The following RHPN2 variants were observed in gnomAD, a reference collection of about 807,000 sequenced individuals.
The protein encoded by RHPN2 is rhophilin-2.
A neutral mutation model predicts 79.0 loss-of-function variants in RHPN2; 40 were observed. The ratio of observed to expected loss-of-function variants is 0.51; its 90% CI spans 0.39 to 0.66. The LOEUF (loss-of-function observed/expected upper bound fraction) is 0.66, where lower values mean the gene tolerates loss of function less well. Among genes scored for constraint, RHPN2 ranks in the 30% least tolerant of loss-of-function variants. The pLI is 0.00. For synonymous variants in RHPN2, 285 were observed against 363.5 expected (o/e 0.78, Z 2.46); for missense variants, 686 against 883.5 (o/e 0.78, Z 2.83).
chr19:33,064,670 T>A, intron 1 of RHPN2, 114 bp downstream of exon 1: 80 of 735,736 alleles, frequency 1.1e-4, no homozygotes, highest in East Asian at 4.6e-4. Context: ...GTGCGCCCCC[T>A]CCCCCTCCCG....
intron 1 of RHPN2, among the ~76,000 whole-genome samples, chr19:33,044,828 A>G (rs940224954): frequency 1.1e-4 from 16 of 152,198 alleles, no homozygotes; most frequent in Non-Finnish European, 1.8e-4. Context: ...TGGGTGCTGA[A>G]GGTTGCAGTG....
In RHPN2 at chr19:32,991,896, C is replaced by T. The variant is rs775135364; in HGVS notation, c.1571G>A (p.Gly524Glu). The T allele has an allele frequency of 7.4e-6, 12 of 1,613,842 alleles. No individual in the cohort carries two copies. In the African/African-American group the frequency reaches 1.6e-4, roughly 22 times the overall value. ...PRSIRFTAEEGDLGFTLRGNA... is the reference protein window; with the variant it reads ...PRSIRFTAEEEDLGFTLRGNA... ...CCCTCTCAAGGTGAACCCCAAGTCC[C>T]CTTCTTCTGCAGTGAAGCGGATGCT... The change falls in exon 13 of 15, where the codon GGG becomes GAG. Residue 524 changes from glycine (G) to glutamate (E), a missense_variant. Gly to Glu is a moderately conservative substitution (Grantham distance 98). Coordinates refer to ENST00000254260, the MANE Select transcript of RHPN2 (RefSeq NM_033103.5).
At chr19:32,999,845 C>A (rs1958677990) in intron 9 of RHPN2, 140 bp from the exon 10 acceptor site, 3 of 1,060,476 alleles carry the variant, frequency 2.8e-6, no homozygotes, top group Non-Finnish European at 4.1e-6. Context: ...CTTTCTGCCC[C>A]CGGACACACC....
chr19:33,002,761 T>A, intron 8 of RHPN2, 52 bp downstream of exon 8: 1 of 1,598,676 alleles, frequency 6.3e-7, no homozygotes, highest in Non-Finnish European at 8.6e-7. Flanking sequence ...AGTGCTCCTG[T>A]GCCAGCATCT....
intron 10 of RHPN2, 131 bp downstream of exon 10, chr19:32,999,455 C>G (rs1358628410): frequency 8.4e-7 from 1 of 1,184,332 alleles, no homozygotes; most frequent in Non-Finnish European, 1.2e-6. Context: ...CTTCTGAACC[C>G]AAAGTGGCCA....
In RHPN2 at chr19:32,990,512, A is replaced by T. The variant is rs1376980677; in HGVS notation, c.1800+2T>A. 6.2e-7 allele frequency: 1 copy of T among 1,613,746 alleles called. No individual in the cohort carries two copies. The highest frequency in any genetic ancestry group is 8.5e-7 in the Non-Finnish European group (1 of 1,179,824). On this transcript the variant is annotated splice_donor_variant, in intron 14 of 14. Coordinates refer to ENST00000254260, the MANE Select transcript of RHPN2 (RefSeq NM_033103.5). LOFTEE classifies it high-confidence loss of function. The stretch of plus-strand genomic sequence containing the variant: ...ACTGCCCAGGGAGGTGTCAGCGCTC[A>T]CCATGGATGATGTGGAGTCCAGGAG...
intron 4 of RHPN2, 84 bp downstream of exon 4, chr19:33,021,487 A>T: frequency 8.9e-7 from 1 of 1,119,602 alleles, no homozygotes; most frequent in Non-Finnish European, 1.4e-6. Flanking sequence ...CTCCCAAGTA[A>T]CTGGGACTAC....
chr19:32,993,919 C>T (rs1267305215), intron 12 of RHPN2, 58 bp downstream of exon 12: 15 of 1,308,912 alleles, frequency 1.1e-5, no homozygotes, highest in East Asian at 4.6e-5. Flanking sequence ...ACACCATACT[C>T]GCCAAAGTGA....
At position 32,980,383 on chromosome 19, in the gene RHPN2, G is replaced by C. The variant is rs191575433; in HGVS notation, c.1801-127C>G. 2.8e-6 allele frequency: 3 copies of C among 1,087,834 alleles called. No homozygotes were observed. The Middle Eastern group carries it at 6.2e-4, about 226-fold the overall frequency. The allele number at this position is 1,087,834 out of a possible 1,614,324, so 67.4% of individuals were successfully genotyped here. Reference sequence around the variant, plus strand: ...AACAGTTTGGGAGGCCGAGGAAGGCGGATCACTTGAGGTCAGGAGTTCAAG... The same window carrying C: ...AACAGTTTGGGAGGCCGAGGAAGGCCGATCACTTGAGGTCAGGAGTTCAAG... On this transcript the variant is annotated intron_variant, in intron 14 of 14. Transcript: ENST00000254260.
chr19:32,995,752 G>A (rs867571842), intron 11 of RHPN2, among the ~76,000 whole-genome samples: 2 of 152,198 alleles, frequency 1.3e-5, no homozygotes, highest in African/African-American at 2.4e-5. Context: ...CCAGCTCCTC[G>A]GGAGGCTGAG....
intron 1 of RHPN2, among the ~76,000 whole-genome samples, chr19:33,056,638 A>C (rs1407194334): frequency 6.6e-6 from 1 of 152,248 alleles, no homozygotes; most frequent in African/African-American, 2.4e-5. Context: ...CTTCTTGAGA[A>C]ATTATAGTAA....
intron 2 of RHPN2, among the ~76,000 whole-genome samples, chr19:33,034,664 C>G (rs1026646694): frequency 6.7e-6 from 1 of 150,216 alleles, no homozygotes; most frequent in Non-Finnish European, 1.5e-5. Flanking sequence ...CCCTGTAGTC[C>G]CAGCTACTCA....
chr19:32,998,773 C>CT (rs1379520882), intron 10 of RHPN2, among the ~76,000 whole-genome samples: 1 of 120,694 alleles, frequency 8.3e-6, no homozygotes, highest in East Asian at 2.5e-4. Flanking sequence ...AGGAAAGCAA[C>CT]AAGGAACAAG....
At chr19:32,987,038 C>T (rs1042143071) in intron 14 of RHPN2, among the ~76,000 whole-genome samples, 9 of 151,592 alleles carry the variant, frequency 5.9e-5, no homozygotes, top group African/African-American at 1.9e-4. Context: ...CACCATGCCT[C>T]GCTAATTTTT....
chr19:33,029,527 G>GAAAAA (rs374028038), intron 2 of RHPN2, among the ~76,000 whole-genome samples: 4 of 81,510 alleles, frequency 4.9e-5, no homozygotes, highest in East Asian at 2.9e-4. Context: ...CTCTATCTCA[G>GAAAAA]AAAAAAAAAA....
chr19:33,008,114 C>T lies in RHPN2; in HGVS notation c.660G>A (p.Leu220=). The change falls in exon 7 of 15, where the codon CTG becomes CTA. Residue 220 remains leucine (L), a synonymous_variant. Coordinates refer to ENST00000254260, the MANE Select transcript of RHPN2 (RefSeq NM_033103.5). The part of the protein sequence containing the change: ...QNLLLEKASV[L]FNTGALYTQI... Reference sequence around the variant, plus strand: ...GGGTGTAGAGGGCCCCAGTGTTGAACAGGACACTGGCCTTCTCCAGCAGCA... The same window carrying T: ...GGGTGTAGAGGGCCCCAGTGTTGAATAGGACACTGGCCTTCTCCAGCAGCA... The T allele has an allele frequency of 6.2e-7, 1 of 1,614,116 alleles. No individual in the cohort carries two copies. Among genetic ancestry groups the T allele is most frequent in the Non-Finnish European group, 8.5e-7 (1 of 1,179,994 alleles).
At chr19:33,035,002 C>T (rs1337103744) in intron 2 of RHPN2, among the ~76,000 whole-genome samples, 1 of 151,994 alleles carries the variant, frequency 6.6e-6, no homozygotes, top group Non-Finnish European at 1.5e-5. Context: ...GAGTCTTGCT[C>T]TGTCACCCAC....
chr19:32,991,747 A>G, intron 13 of RHPN2, 76 bp downstream of exon 13: 4 of 1,580,256 alleles, frequency 2.5e-6, no homozygotes, highest in Non-Finnish European at 3.5e-6. Flanking sequence ...CAGGCCTTTG[A>G]CATGGGTGAA....
chr19:33,056,953 C>CAA lies in RHPN2; in HGVS notation c.69+7829_69+7830dup, dbSNP rs754855820. On this transcript the variant is annotated intron_variant, in intron 1 of 14. Coordinates refer to ENST00000254260, the MANE Select transcript of RHPN2 (RefSeq NM_033103.5). The stretch of plus-strand genomic sequence containing the variant: ...TGAAACCCCATCTCTAATAAAAATA[C>CAA]AAAAAAAAAAAAAAAAATTAGCCGG... 5.1e-4 allele frequency among the ~76,000 whole-genome samples: 58 copies of CAA among 114,424 alleles called. 1 individual carries two copies. The highest frequency in any genetic ancestry group is 2.9e-3 in the Admixed American group (34 of 11,570). 75.1% of individuals were successfully genotyped at this position (114,424 alleles called of 152,430 possible).
Sources: gnomAD v4.1 joint callset for allele counts (sites outside exome capture counted in the v4.1 genomes callset) on GRCh38, gnomAD v4.1.1 for gene constraint, MANE v1.5 for transcripts, NCBI Gene and HGNC (gene_info 2026-07-23, HGNC 2026-07-21) for gene names.